Variants in INVS observed in about 807,000 individuals in gnomAD.
INVS encodes the protein inversion of embryo turning homolog.
Under a neutral mutation model 108.8 loss-of-function variants are expected in INVS, and 86 were observed. The ratio of observed to expected loss-of-function variants is 0.79; its 90% confidence interval spans 0.66 to 0.95. The LOEUF is 0.95. Among genes scored for constraint, INVS ranks in the 40% least tolerant of loss-of-function variants. The probability of loss-of-function intolerance (pLI) is 0.00; values close to 1 mark genes in which losing one functional copy is unlikely to be tolerated. For missense variants in INVS, 1,169 were observed against 1,297.4 expected, an observed-to-expected ratio of 0.90 and a Z score of 1.52; for synonymous variants, 455 against 473.5, an observed-to-expected ratio of 0.96 and a Z score of 0.51.
intron 6 of INVS, among the ~76,000 whole-genome samples, chr9:100,240,891 A>C (rs1831848705): frequency 6.6e-6 from 1 of 151,720 alleles, no homozygotes. Flanking sequence ...TATATGGATT[A>C]GATTTGATGT....
chr9:100,189,481 A>G (rs938212339), intron 3 of INVS, among the ~76,000 whole-genome samples: 2 of 150,540 alleles, frequency 1.3e-5, no homozygotes, highest in Non-Finnish European at 3.0e-5. Context: ...TCTTGATTTC[A>G]TTGTTAACTC....
chr9:100,259,023 T>C (rs1157993501), intron 10 of INVS, among the ~76,000 whole-genome samples: 1 of 152,234 alleles, frequency 6.6e-6, no homozygotes, highest in East Asian at 1.9e-4. Flanking sequence ...AGGTGGAGTC[T>C]ACAAAGGCAG....
intron 3 of INVS, among the ~76,000 whole-genome samples, chr9:100,213,377 T>C (rs566303754): frequency 1.3e-5 from 2 of 151,958 alleles, no homozygotes; most frequent in South Asian, 4.2e-4. Flanking sequence ...TCTTTTTTCT[T>C]TTTTTTTAAT....
intron 5 of INVS, 88 bp downstream of exon 5, chr9:100,229,915 G>A (rs570885204): frequency 2.4e-5 from 30 of 1,265,880 alleles, no homozygotes; most frequent in East Asian, 1.5e-4. Context: ...TATATTTGAC[G>A]TACAAGCAAA....
intron 3 of INVS, among the ~76,000 whole-genome samples, chr9:100,133,764 TACACAC>T (rs147744972): frequency 1.0e-3 from 127 of 123,918 alleles, no homozygotes; most frequent in South Asian, 7.4e-3. Flanking sequence ...CTGCCAAAGC[TACACAC>T]ACACACACAC....
chr9:100,146,355 C>T (rs182596112), intron 3 of INVS, among the ~76,000 whole-genome samples: 1 of 152,154 alleles, frequency 6.6e-6, no homozygotes, highest in East Asian at 1.9e-4. Context: ...CAGGATGAGC[C>T]AGGAGAAGGA....
intron 2 of INVS, chr9:100,117,609 G>A (rs866626649): frequency 1.2e-5 from 3 of 240,110 alleles, no homozygotes; most frequent in Non-Finnish European, 2.1e-5. Context: ...CCGGCCCCCC[G>A]CCCCCCCCGC....
chr9:100,251,581 G>C (rs556203621), intron 8 of INVS, among the ~76,000 whole-genome samples: 1 of 152,058 alleles, frequency 6.6e-6, no homozygotes, highest in South Asian at 2.1e-4. Flanking sequence ...TTCTTTTTTT[G>C]AGATGAGGTC....
chr9:100,135,675 A>T (rs1204626923), intron 3 of INVS, among the ~76,000 whole-genome samples: 1 of 152,140 alleles, frequency 6.6e-6, no homozygotes, highest in Non-Finnish European at 1.5e-5. Context: ...TAGTCCAGGT[A>T]CAATTTTGAG....
At chr9:100,254,056 T>C (rs945163011) in intron 10 of INVS, among the ~76,000 whole-genome samples, 1 of 152,188 alleles carries the variant, frequency 6.6e-6, no homozygotes, top group African/African-American at 2.4e-5. Context: ...TTCCTATTTC[T>C]CCACATCCTC....
chr9:100,117,611 C>T (rs572276693), intron 2 of INVS: 2 of 646,402 alleles, frequency 3.1e-6, no homozygotes, highest in Admixed American at 2.8e-5. Flanking sequence ...GGCCCCCCGC[C>T]CCCCCCGCCC....
At chr9:100,221,361 G>A (rs113346926) in intron 3 of INVS, among the ~76,000 whole-genome samples, 3 of 151,718 alleles carry the variant, frequency 2.0e-5, no homozygotes, top group Non-Finnish European at 2.9e-5. Context: ...GGGGTGCAGG[G>A]GCACAATCAT....
chr9:100,105,165 A>G (rs1377079954), intron 2 of INVS, among the ~76,000 whole-genome samples: 1 of 152,218 alleles, frequency 6.6e-6, no homozygotes, highest in Non-Finnish European at 1.5e-5. Flanking sequence ...TCTTTCTATC[A>G]CAAATCCAGA....
At chr9:100,183,462 C>T (rs1829956421) in intron 3 of INVS, among the ~76,000 whole-genome samples, 1 of 152,022 alleles carries the variant, frequency 6.6e-6, no homozygotes, top group Non-Finnish European at 1.5e-5. Flanking sequence ...TAAGGACAAA[C>T]AAAACTAAGA....
intron 3 of INVS, among the ~76,000 whole-genome samples, chr9:100,199,484 A>AT (rs1314630896): frequency 6.6e-6 from 1 of 152,040 alleles, no homozygotes; most frequent in African/African-American, 2.4e-5. Context: ...CATTAATCAA[A>AT]TTTTTAATTT....
rs571326557 is a variant in INVS, at chr9:100,254,897, C to T, written c.1464+1761C>T. ...TTGGCTTAGGATTGTCTTGGCAATG[C>T]GGGCTCTTTTTTGGTTCCATGTGAA... On this transcript the variant is annotated intron_variant, in intron 10 of 16. Coordinates refer to ENST00000262457, the MANE Select transcript of INVS (RefSeq NM_014425.5). Among the ~76,000 whole-genome samples, 210 of 152,232 alleles carry T rather than the reference C, an allele frequency of 1.4e-3. 1 individual carries two copies. Among genetic ancestry groups the T allele is most frequent in the Non-Finnish European group, 2.4e-3 (160 of 68,018 alleles).
chr9:100,298,153 T>C lies in INVS; in HGVS notation c.3091+143T>C, dbSNP rs765190581. The C allele has an allele frequency of 1.9e-6, 3 of 1,545,786 alleles. No homozygotes were observed. The South Asian group carries it at 3.6e-5, about 18-fold the overall frequency. On this transcript the variant is annotated intron_variant, in intron 16 of 16. Coordinates refer to ENST00000262457, the MANE Select transcript of INVS (RefSeq NM_014425.5). Reference sequence around the variant, plus strand: ...ATTTGATTTCATGGGATTATTACTGTAGCCAACATCTGTCTCCCTAAGAGG... The same window carrying C: ...ATTTGATTTCATGGGATTATTACTGCAGCCAACATCTGTCTCCCTAAGAGG...
chr9:100,301,841 A>AAACAC lies in INVS; in HGVS notation c.*1170_*1174dup, dbSNP rs1485451839. On this transcript the variant is annotated 3_prime_UTR_variant, in exon 17 of 17. Coordinates refer to ENST00000262457, the MANE Select transcript of INVS (RefSeq NM_014425.5). ...ACATTCATCGTTTTTGTGATCACAAAAACACAAAGAAGGAGGTCTGCCTGG... is the reference window on the plus strand; with the variant it reads ...ACATTCATCGTTTTTGTGATCACAAAAACACAACACAAAGAAGGAGGTCTGCCTGG... Among the ~76,000 whole-genome samples, 1 of 152,180 alleles carries AAACAC rather than the reference A, an allele frequency of 6.6e-6. No homozygotes were observed. Among genetic ancestry groups the AAACAC allele is most frequent in the Non-Finnish European group, 1.5e-5 (1 of 68,020 alleles).
At chr9:100,190,901 C>T (rs1323391640) in intron 3 of INVS, among the ~76,000 whole-genome samples, 1 of 151,814 alleles carries the variant, frequency 6.6e-6, no homozygotes, top group Non-Finnish European at 1.5e-5. Flanking sequence ...CACTCTGTTA[C>T]CCAGGCTGGA....
Sources: gnomAD v4.1 joint callset for allele counts (sites outside exome capture counted in the v4.1 genomes callset) on GRCh38, gnomAD v4.1.1 for gene constraint, MANE v1.5 for transcripts, NCBI Gene and HGNC (gene_info 2026-07-23, HGNC 2026-07-21) for gene names.